The following PSMA1 variants were observed in gnomAD, a reference collection of about 807,000 sequenced individuals.
PSMA1 encodes the protein proteasome subunit alpha type-1.
In PSMA1, 3 loss-of-function variants were observed where a neutral mutation model predicts 38.4. The observed-to-expected ratio is 0.08, with a 90% CI of 0.04 to 0.20. The LOEUF (loss-of-function observed/expected upper bound fraction) is 0.20, where lower values mean the gene tolerates loss of function less well. PSMA1 is among the 10% of genes least tolerant of loss of function. The pLI is 1.00. For synonymous variants in PSMA1, 101 were observed against 107.1 expected, an observed-to-expected ratio of 0.94 and a Z score of 0.35; for missense variants, 227 against 325.3, an observed-to-expected ratio of 0.70 and a Z score of 2.32.
In PSMA1 at chr11:14,517,925, T is replaced by C; in HGVS notation, c.105A>G (p.Thr35=). ...CATGAGTTTTTGATTTCAGACCAAC[T>C]GTGGCTGAACCTTGTTTAACAGCTT... ...AMEAVKQGSA[T]VGLKSKTHAV... Residue 35 remains threonine, a synonymous_variant, in exon 3 of 10, where the codon ACA becomes ACG. Transcript: ENST00000396394. The C allele has an allele frequency of 1.2e-6, 2 of 1,610,896 alleles. No individual in the cohort carries two copies. The highest frequency in any genetic ancestry group is 1.7e-6 in the Non-Finnish European group (2 of 1,179,060).
At position 14,513,823 on chromosome 11, in the gene PSMA1, A is replaced by G; in HGVS notation, c.408T>C (p.Gly136=). Residue 136 remains glycine (G), a synonymous_variant, in exon 6 of 10, where the codon GGT becomes GGC. Coordinates refer to ENST00000396394, the MANE Select transcript of PSMA1 (RefSeq NM_002786.4). The part of the protein sequence containing the change: ...RPYGVGLLIA[G]YDDMGPHIFQ... Reference sequence around the variant, plus strand: ...CAATATTCAATGAACTTACATCATAACCAGCAATAAGGAGACCAACACCAT... The same window carrying G: ...CAATATTCAATGAACTTACATCATAGCCAGCAATAAGGAGACCAACACCAT... 1 of 1,589,556 alleles carries G rather than the reference A, an allele frequency of 6.3e-7. No individual in the cohort carries two copies. The highest frequency in any genetic ancestry group is 8.5e-7 in the Non-Finnish European group (1 of 1,172,494).
intron 2 of PSMA1, among the ~76,000 whole-genome samples, chr11:14,540,971 G>A (rs564427348): frequency 2.0e-5 from 3 of 152,108 alleles, no homozygotes; most frequent in Non-Finnish European, 4.4e-5. Context: ...GATAGCATTC[G>A]GAGATATATC....
intron 7 of PSMA1, chr11:14,513,339 A>C: frequency 2.6e-6 from 1 of 380,444 alleles, no homozygotes; most frequent in Non-Finnish European, 4.3e-6. Flanking sequence ...AAGGTTGGGA[A>C]CACATTTATA....
At chr11:14,538,906 G>T (rs768074223) in intron 2 of PSMA1, among the ~76,000 whole-genome samples, 11 of 152,224 alleles carry the variant, frequency 7.2e-5, no homozygotes, top group Non-Finnish European at 1.0e-4. Context: ...TCATTGACAA[G>T]ACTTACATTT....
intron 8 of PSMA1, among the ~76,000 whole-genome samples, chr11:14,508,952 G>A (rs1851296175): frequency 6.6e-6 from 1 of 152,000 alleles, no homozygotes; most frequent in Non-Finnish European, 1.5e-5. Flanking sequence ...GTTGCTAAAG[G>A]TTAGTGTTCT....
chr11:14,559,837 A>ATT (rs1225397707), intron 2 of PSMA1, among the ~76,000 whole-genome samples: 1 of 152,194 alleles, frequency 6.6e-6, no homozygotes. Flanking sequence ...TGAGATGGAT[A>ATT]TTTGCAGGCA....
At chr11:14,532,129 AT>A (rs1851654115) in intron 2 of PSMA1, among the ~76,000 whole-genome samples, 1 of 148,294 alleles carries the variant, frequency 6.7e-6, no homozygotes, top group South Asian at 2.1e-4. Context: ...AAAAAAAAAA[AT>A]CCTCATCTTT....
At chr11:14,586,230 G>A (rs1852343881) in intron 2 of PSMA1, among the ~76,000 whole-genome samples, 1 of 152,126 alleles carries the variant, frequency 6.6e-6, no homozygotes, top group Non-Finnish European at 1.5e-5. Flanking sequence ...CCAGGAATTC[G>A]AGAGCAGCCT....
intron 1 of PSMA1, among the ~76,000 whole-genome samples, chr11:14,628,794 G>C (rs1443502104): frequency 2.9e-5 from 4 of 140,318 alleles, no homozygotes; most frequent in African/African-American, 1.1e-4. Flanking sequence ...CAGTGTAAAA[G>C]TGTTCCTATT....
intron 2 of PSMA1, among the ~76,000 whole-genome samples, chr11:14,559,476 G>A (rs574235972): frequency 6.6e-6 from 1 of 152,340 alleles, no homozygotes; most frequent in African/African-American, 2.4e-5. Context: ...GGGCAGATAA[G>A]TGACAGCTAG....
chr11:14,515,204 A>G (rs1851404297), intron 4 of PSMA1, among the ~76,000 whole-genome samples: 1 of 152,214 alleles, frequency 6.6e-6, no homozygotes, highest in African/African-American at 2.4e-5. Context: ...TTCAGTACTT[A>G]TATTTAAGTC....
chr11:14,553,395 G>A (rs1851908517), intron 2 of PSMA1, among the ~76,000 whole-genome samples: 1 of 152,086 alleles, frequency 6.6e-6, no homozygotes, highest in East Asian at 1.9e-4. Flanking sequence ...GTAAATTGAT[G>A]TAACAACAGT....
chr11:14,602,949 G>C (rs1852602113), intron 2 of PSMA1, among the ~76,000 whole-genome samples: 1 of 152,200 alleles, frequency 6.6e-6, no homozygotes, highest in Non-Finnish European at 1.5e-5. Flanking sequence ...TAAGTAACCA[G>C]TTGAAGGTCA....
intron 2 of PSMA1, among the ~76,000 whole-genome samples, chr11:14,560,116 G>C (rs1430117193): frequency 1.3e-5 from 2 of 152,176 alleles, no homozygotes; most frequent in Non-Finnish European, 2.9e-5. Flanking sequence ...TAAATTATAT[G>C]AGAGCTATCA....
intron 1 of PSMA1, among the ~76,000 whole-genome samples, chr11:14,618,013 AT>A (rs1271924962): frequency 1.3e-5 from 2 of 152,084 alleles, no homozygotes; most frequent in African/African-American, 4.8e-5. Context: ...TTTTTAGGCA[AT>A]TTCCTTCTGT....
At chr11:14,569,047 C>T (rs35796282) in intron 2 of PSMA1, among the ~76,000 whole-genome samples, 7,714 of 152,270 alleles carry the variant, frequency 0.051, 321 homozygotes, top group Non-Finnish European at 0.079. Context: ...GCCCTGGAGA[C>T]ATTTTCCCCA....
chr11:14,607,999 T>C (rs1590009207), intron 2 of PSMA1, among the ~76,000 whole-genome samples: 2 of 152,118 alleles, frequency 1.3e-5, no homozygotes, highest in African/African-American at 4.8e-5. Flanking sequence ...AACATGTATA[T>C]AGCCCATCAG....
At chr11:14,631,416 G>A (rs201995171) in intron 1 of PSMA1, among the ~76,000 whole-genome samples, 9 of 152,006 alleles carry the variant, frequency 5.9e-5, no homozygotes, top group Admixed American at 3.3e-4. Flanking sequence ...CCTTCATTTT[G>A]TTATATACCC....
At chr11:14,520,544 T>C (rs1339567523), upstream of PSMA1, 1 of 1,326,040 alleles carries the variant, frequency 7.5e-7, no homozygotes, top group East Asian at 2.7e-5. Flanking sequence ...CGGGAAAACC[T>C]GGCTGGGAGT....
Sources: allele counts gnomAD v4.1 joint callset (sites outside exome capture counted in the v4.1 genomes callset), GRCh38; gene constraint gnomAD v4.1.1; transcripts MANE v1.5; gene names NCBI Gene and HGNC (gene_info 2026-07-23, HGNC 2026-07-21).